The following LSM14A variants were observed in gnomAD, a reference collection of about 807,000 sequenced individuals.
LSM14A encodes the protein protein LSM14 homolog A.
LSM14A carries 14 observed loss-of-function variants against 52.4 expected under a neutral mutation model. That is an observed-to-expected ratio of 0.27 (90% CI 0.18 to 0.42). The LOEUF (loss-of-function observed/expected upper bound fraction) is 0.42, where lower values mean the gene tolerates loss of function less well. LSM14A is among the 10% of genes least tolerant of loss of function. LSM14A has a pLI of 1.00. For synonymous variants in LSM14A, 185 were observed against 200.3 expected (o/e 0.92, Z 0.64); for missense variants, 417 against 581.8 (o/e 0.72, Z 2.91).
intron 6 of LSM14A, among the ~76,000 whole-genome samples, chr19:34,216,913 C>T (rs989430162): frequency 6.6e-6 from 1 of 152,002 alleles, no homozygotes; most frequent in Non-Finnish European, 1.5e-5. Flanking sequence ...GTTTTCTATG[C>T]CTTTGGGAAT....
At chr19:34,214,386 A>G (rs1272394458) in intron 4 of LSM14A, among the ~76,000 whole-genome samples, 1 of 151,728 alleles carries the variant, frequency 6.6e-6, no homozygotes, top group Non-Finnish European at 1.5e-5. Flanking sequence ...ATCTCGGCTC[A>G]CTGCAGCTTC....
rs1568498320 is a variant in LSM14A, at chr19:34,217,616, CGTG to C, written c.782-1774_782-1772del. Reference sequence around the variant, plus strand: ...TATATATTTTTATATCCCCCCCCCCCGTGTTTTTTTTTTTTTTTTTTTTTTTTT... The same window carrying C: ...TATATATTTTTATATCCCCCCCCCCCTTTTTTTTTTTTTTTTTTTTTTTTT... On this transcript the variant is annotated intron_variant, in intron 6 of 9. Coordinates refer to ENST00000544216, the MANE Select transcript of LSM14A (RefSeq NM_015578.4). Among the ~76,000 whole-genome samples, 59 of 8,288 alleles carry C rather than the reference CGTG, an allele frequency of 7.1e-3. 3 individuals are homozygous for C. Among genetic ancestry groups the C allele is most frequent in the African/African-American group, 0.011 (18 of 1,670 alleles). 5.4% of individuals were successfully genotyped at this position (8,288 alleles called of 152,430 possible).
At chr19:34,212,508 T>G (rs2072244062) in intron 4 of LSM14A, among the ~76,000 whole-genome samples, 1 of 152,160 alleles carries the variant, frequency 6.6e-6, no homozygotes, top group Non-Finnish European at 1.5e-5. Context: ...GAAGTATGTG[T>G]TTATTAAAAG....
At chr19:34,188,466 T>C (rs142716059) in intron 1 of LSM14A, among the ~76,000 whole-genome samples, 2 of 152,308 alleles carry the variant, frequency 1.3e-5, no homozygotes, top group Non-Finnish European at 2.9e-5. Context: ...AGTTGAAAAT[T>C]CACATTACAT....
At chr19:34,184,743 GTTA>G (rs1484174682) in intron 1 of LSM14A, among the ~76,000 whole-genome samples, 1 of 152,146 alleles carries the variant, frequency 6.6e-6, no homozygotes, top group African/African-American at 2.4e-5. Context: ...GTTACAGATT[GTTA>G]TTATTACATT....
chr19:34,173,291 C>A (rs902194100), intron 1 of LSM14A, among the ~76,000 whole-genome samples: 1 of 152,152 alleles, frequency 6.6e-6, no homozygotes, highest in Non-Finnish European at 1.5e-5. Flanking sequence ...CCATCGATGC[C>A]GTGGAGCAGA....
chr19:34,221,712 C>A lies in LSM14A; in HGVS notation c.1342C>A (p.Arg448=). The change falls in exon 9 of 10, where the codon CGG becomes AGG. Residue 448 remains arginine, a synonymous_variant. Transcript: ENST00000544216. ...RGGFRGGRGG[R]EFADFEYRKD... Reference sequence around the variant, plus strand: ...TGGATTCAGAGGAGGTCGTGGGGGCCGGGAGTTTGCGGATTTTGAATATAG... The same window carrying A: ...TGGATTCAGAGGAGGTCGTGGGGGCAGGGAGTTTGCGGATTTTGAATATAG... 1 of 1,612,938 alleles carries A rather than the reference C, an allele frequency of 6.2e-7. No individual in the cohort carries two copies. Among genetic ancestry groups the A allele is most frequent in the Non-Finnish European group, 8.5e-7 (1 of 1,179,188 alleles).
At chr19:34,172,874 G>A (rs2068800448) in intron 1 of LSM14A, 111 bp downstream of exon 1, 1 of 1,292,680 alleles carries the variant, frequency 7.7e-7, no homozygotes, top group African/African-American at 1.6e-5. Context: ...TCGAGCTCCG[G>A]GAGGCCTCTC....
intron 1 of LSM14A, among the ~76,000 whole-genome samples, chr19:34,190,742 A>G (rs3097337): frequency 0.49 from 73,679 of 151,900 alleles, 18,641 homozygotes; most frequent in Middle Eastern, 0.58. Flanking sequence ...TTTCTATTCT[A>G]GAACCAAAGT....
chr19:34,227,440 G>A lies in LSM14A; in HGVS notation c.*52G>A, dbSNP rs898099345. ...TGAATTTCTAGCTCTTCATGGTCCT[G>A]AACATTGATTTCAGTCTTTGCAAAG... On this transcript the variant is annotated 3_prime_UTR_variant, in exon 10 of 10. Coordinates refer to ENST00000544216, the MANE Select transcript of LSM14A (RefSeq NM_015578.4). 1.5e-6 allele frequency: 2 copies of A among 1,357,924 alleles called. No individual in the cohort carries two copies. Among genetic ancestry groups the A allele is most frequent in the Non-Finnish European group, 2.0e-6 (2 of 983,438 alleles). The allele number at this position is 1,357,924 out of a possible 1,614,324, so 84.1% of individuals were successfully genotyped here.
intron 1 of LSM14A, among the ~76,000 whole-genome samples, chr19:34,182,520 C>G (rs1287441414): frequency 6.6e-6 from 1 of 151,646 alleles, no homozygotes; most frequent in Admixed American, 6.6e-5. Context: ...CTGAGTGTTT[C>G]TCTGTGGACC....
rs773011768 is a variant in LSM14A at position 34,208,996 on chromosome 19, G to A, written c.483G>A (p.Ala161=). The change falls in exon 4 of 10, where the codon GCG becomes GCA. Residue 161 remains alanine (A), a synonymous_variant. Transcript: ENST00000544216. ...GTGGTACCTTACCCCAAAGTAGTGC[G>A]GTTGGTTCTGCCTTTACACAGGATA... ...SNSGTLPQSS[A]VGSAFTQDTR... 8.8e-5 allele frequency: 141 copies of A among 1,611,148 alleles called. No individual in the cohort carries two copies. Among genetic ancestry groups the A allele is most frequent in the Non-Finnish European group, 1.0e-4 (118 of 1,178,090 alleles).
At chr19:34,200,102 C>T (rs76352960) in intron 3 of LSM14A, among the ~76,000 whole-genome samples, 421 of 152,282 alleles carry the variant, frequency 2.8e-3, no homozygotes, top group Admixed American at 5.5e-3. Flanking sequence ...GGGGTTCTTG[C>T]TGAAAATACA....
At chr19:34,213,312 G>A (rs2145815142) in intron 4 of LSM14A, among the ~76,000 whole-genome samples, 1 of 152,270 alleles carries the variant, frequency 6.6e-6, no homozygotes, top group Middle Eastern at 3.4e-3. Flanking sequence ...TAAGTAGATT[G>A]TGCCTGTGTC....
chr19:34,180,225 AAG>A (rs1206538158), intron 1 of LSM14A, among the ~76,000 whole-genome samples: 2 of 152,142 alleles, frequency 1.3e-5, no homozygotes, highest in Admixed American at 1.3e-4. Context: ...GGCTTGAAGT[AAG>A]TTTTTTAGTG....
At chr19:34,205,081 A>G (rs915005752) in intron 3 of LSM14A, among the ~76,000 whole-genome samples, 4 of 151,794 alleles carry the variant, frequency 2.6e-5, no homozygotes, top group Admixed American at 6.6e-5. Context: ...GCAGTGAGCC[A>G]AGATGACGTC....
intron 3 of LSM14A, among the ~76,000 whole-genome samples, chr19:34,197,383 G>A (rs750391331): frequency 4.3e-4 from 64 of 150,436 alleles, no homozygotes; most frequent in Non-Finnish European, 5.5e-4. Flanking sequence ...GAGCCACTGC[G>A]CCTGGCCTGG....
At chr19:34,178,136 G>C (rs1285277435) in intron 1 of LSM14A, among the ~76,000 whole-genome samples, 2 of 151,510 alleles carry the variant, frequency 1.3e-5, no homozygotes, top group Admixed American at 1.3e-4. Flanking sequence ...ACTCTAGCCT[G>C]GGCAACAGAG....
At chr19:34,198,258 G>A (rs974095830) in intron 3 of LSM14A, among the ~76,000 whole-genome samples, 1 of 152,058 alleles carries the variant, frequency 6.6e-6, no homozygotes, top group Admixed American at 6.6e-5. Flanking sequence ...ATACAGATGT[G>A]ACTTAAGTAT....
Sources: gnomAD v4.1 joint callset for allele counts (sites outside exome capture counted in the v4.1 genomes callset) on GRCh38, gnomAD v4.1.1 for gene constraint, MANE v1.5 for transcripts, NCBI Gene and HGNC (gene_info 2026-07-23, HGNC 2026-07-21) for gene names.